BCAS3: variants seen among roughly 807,000 people sequenced by gnomAD.
The protein encoded by BCAS3 is BCAS4/BCAS3 fusion.
In BCAS3, 53 loss-of-function variants were observed where a neutral mutation model predicts 116.1. The observed-to-expected ratio is 0.46, with a 90% CI of 0.37 to 0.57. The LOEUF (loss-of-function observed/expected upper bound fraction) is 0.57. Ranked by LOEUF, BCAS3 falls within the 20% of genes least tolerant of loss-of-function variation. The pLI is 0.00. For synonymous variants in BCAS3, 391 were observed against 408.2 expected (o/e 0.96, Z 0.51); for missense variants, 917 against 1,165.4 (o/e 0.79, Z 3.10).
chr17:60,980,008 C>T (rs1010098356), intron 14 of BCAS3, among the ~76,000 whole-genome samples: 6 of 152,070 alleles, frequency 3.9e-5, no homozygotes, highest in Non-Finnish European at 8.8e-5. Context: ...ATGCTGGCCT[C>T]ATAAAATGAG....
chr17:61,098,833 AC>A lies in BCAS3; in HGVS notation c.2425+14273del, dbSNP rs1194338046. On this transcript the variant is annotated intron_variant, in intron 22 of 23. Coordinates refer to ENST00000407086, the MANE Select transcript of BCAS3 (RefSeq NM_017679.5). This position sits in a 1 kb window ranked among gnomAD's most constrained non-coding sequence, Gnocchi z 4.2. ...GTTCTGTTACTGCTTGGCTTAAGAT[AC>A]CCCTGGATGGGCTGGGTGTGGTGGC... Among the ~76,000 whole-genome samples, 1 of 152,042 alleles carries A rather than the reference AC, an allele frequency of 6.6e-6. No homozygotes were observed. The highest frequency in any genetic ancestry group is 2.4e-5 in the African/African-American group (1 of 41,400).
Position 60,760,658 on chromosome 17 carries a change from C to CTATAG in BCAS3, c.403+13381_403+13385dup, listed in dbSNP as rs377417244. Among the ~76,000 whole-genome samples, 1,019 of 152,076 alleles carry CTATAG rather than the reference C, an allele frequency of 6.7e-3. 4 individuals are homozygous for CTATAG. The highest frequency in any genetic ancestry group is 0.023 in the African/African-American group (964 of 41,428). ...CCTTAATATTTTCTCTTTTGCTTGG[C>CTATAG]TATAGTTTGACTATAAAGTGCCGTG... On this transcript the variant is annotated intron_variant, in intron 6 of 23. Coordinates refer to ENST00000407086, the MANE Select transcript of BCAS3 (RefSeq NM_017679.5).
At chr17:61,310,425 A>G (rs1355715866) in intron 22 of BCAS3, among the ~76,000 whole-genome samples, 1 of 152,084 alleles carries the variant, frequency 6.6e-6, no homozygotes, top group Non-Finnish European at 1.5e-5. Context: ...GTGGTAGTGC[A>G]TGCCTGTAAT....
In BCAS3 at chr17:61,368,010, T is replaced by A. The variant is rs542339621; in HGVS notation, c.2426-317T>A. The stretch of plus-strand genomic sequence containing the variant: ...GAGGAAAGTAGGGATCCGTTTGGGT[T>A]GAACCTGGGAAGGGGGTTGCCTTCC... On this transcript the variant is annotated intron_variant, in intron 22 of 23. Transcript: ENST00000407086. The surrounding 1 kb of genome is among the most constrained non-coding windows in gnomAD (Gnocchi z 6.0). The A allele has an allele frequency of 1.0e-4, 24 of 229,698 alleles. No homozygotes were observed. The highest frequency in any genetic ancestry group is 4.5e-4 in the African/African-American group (20 of 44,038). 14.2% of individuals were successfully genotyped at this position (229,698 alleles called of 1,614,324 possible). A position where few individuals can be genotyped will look rare whatever the true frequency, so the allele number is the denominator to read the frequency against.
chr17:60,751,149 A>G (rs1297150002), intron 6 of BCAS3, among the ~76,000 whole-genome samples: 1 of 152,188 alleles, frequency 6.6e-6, no homozygotes, highest in Non-Finnish European at 1.5e-5. Context: ...CCCACAGAAG[A>G]CCATCATTGT....
At chr17:60,774,262 T>G (rs907417037) in intron 6 of BCAS3, among the ~76,000 whole-genome samples, 2 of 152,198 alleles carry the variant, frequency 1.3e-5, no homozygotes, top group Non-Finnish European at 2.9e-5. Context: ...GTGTATTTTT[T>G]TCTCTCAGAC....
At chr17:60,966,611 C>A (rs1172332105) in intron 14 of BCAS3, among the ~76,000 whole-genome samples, 3 of 150,214 alleles carry the variant, frequency 2.0e-5, no homozygotes, top group South Asian at 4.2e-4. Flanking sequence ...GAAACAAAGG[C>A]AGGCATAAAG....
At chr17:61,237,460 G>A (rs1269420622) in intron 22 of BCAS3, among the ~76,000 whole-genome samples, 4 of 152,312 alleles carry the variant, frequency 2.6e-5, no homozygotes, top group Admixed American at 6.5e-5. Context: ...CGCCAGCAGC[G>A]GCAACCCACT....
chr17:61,328,637 C>T (rs965449409), intron 22 of BCAS3, among the ~76,000 whole-genome samples: 16 of 151,756 alleles, frequency 1.1e-4, no homozygotes, highest in African/African-American at 2.7e-4. Flanking sequence ...TGGTGGTGTG[C>T]GCCTGTAGTC....
chr17:60,867,141 CTG>C (rs2054670438), intron 7 of BCAS3, among the ~76,000 whole-genome samples: 1 of 150,382 alleles, frequency 6.6e-6, no homozygotes, highest in African/African-American at 2.5e-5. Flanking sequence ...CAGTTTCACT[CTG>C]TCGTCCAGGC....
At chr17:61,336,120 C>T (rs1177475572) in intron 22 of BCAS3, among the ~76,000 whole-genome samples, 2 of 152,276 alleles carry the variant, frequency 1.3e-5, no homozygotes, top group Admixed American at 6.5e-5. Flanking sequence ...CGCTAAACTC[C>T]CAGCTCCCTG....
In BCAS3 at chr17:61,377,207, G is replaced by A. The variant is rs1435385977; in HGVS notation, c.2593+8713G>A. 6.6e-6 allele frequency among the ~76,000 whole-genome samples: 1 copy of A among 152,168 alleles called. No homozygotes were observed. Among genetic ancestry groups the A allele is most frequent in the East Asian group, 1.9e-4 (1 of 5,176 alleles). On this transcript the variant is annotated intron_variant, in intron 23 of 23. Coordinates refer to ENST00000407086, the MANE Select transcript of BCAS3 (RefSeq NM_017679.5). The surrounding 1 kb of genome is among the most constrained non-coding windows in gnomAD (Gnocchi z 4.6). ...AGTGCCTAATGCCCTGATTGCTGAG[G>A]GTGAGAGAAGAAAGTGTCCCCAGAG...
chr17:61,181,618 A>C lies in BCAS3; in HGVS notation c.2425+97054A>C, dbSNP rs963647733. Among the ~76,000 whole-genome samples, 1 of 152,218 alleles carries C rather than the reference A, an allele frequency of 6.6e-6. No individual in the cohort carries two copies. Among genetic ancestry groups the C allele is most frequent in the African/African-American group, 2.4e-5 (1 of 41,460 alleles). ...TTTCTGAGTTGCCAAATGCTGAGAA[A>C]GCAGACAGTAATTGATGTAGTGAAG... On this transcript the variant is annotated intron_variant, in intron 22 of 23. Coordinates refer to ENST00000407086, the MANE Select transcript of BCAS3 (RefSeq NM_017679.5). This position sits in a 1 kb window ranked among gnomAD's most constrained non-coding sequence, Gnocchi z 5.0.
intron 22 of BCAS3, among the ~76,000 whole-genome samples, chr17:61,103,978 C>T (rs1485076039): frequency 6.6e-6 from 1 of 152,166 alleles, no homozygotes; most frequent in East Asian, 1.9e-4. Context: ...TCTTGCTTCT[C>T]CAAGTATGAC....
chr17:61,092,328 GTCTC>G (rs375741148), intron 22 of BCAS3, among the ~76,000 whole-genome samples: 3 of 149,852 alleles, frequency 2.0e-5, no homozygotes, highest in African/African-American at 7.3e-5. Context: ...CTGTCTGTCT[GTCTC>G]TCTCTCTCTC....
At chr17:61,042,244 T>C (rs1207923324) in intron 19 of BCAS3, among the ~76,000 whole-genome samples, 1 of 152,018 alleles carries the variant, frequency 6.6e-6, no homozygotes, top group Non-Finnish European at 1.5e-5. Context: ...CAAAACTAAT[T>C]GTTGAATTAA....
In BCAS3 at chr17:61,315,342, C is replaced by T. The variant is rs771108524; in HGVS notation, c.2426-52985C>T. 6.6e-6 allele frequency among the ~76,000 whole-genome samples: 1 copy of T among 152,140 alleles called. No homozygotes were observed. Among genetic ancestry groups the T allele is most frequent in the African/African-American group, 2.4e-5 (1 of 41,424 alleles). ...GTTGGCCTGGATGGATGGTCTCAAA[C>T]TCCTGACCTCAGGTGATCCGGCCGC... On this transcript the variant is annotated intron_variant, in intron 22 of 23. Coordinates refer to ENST00000407086, the MANE Select transcript of BCAS3 (RefSeq NM_017679.5). This position sits in a 1 kb window ranked among gnomAD's most constrained non-coding sequence, Gnocchi z 5.3.
At chr17:60,777,248 A>C (rs1016574302) in intron 6 of BCAS3, among the ~76,000 whole-genome samples, 1 of 152,102 alleles carries the variant, frequency 6.6e-6, no homozygotes, top group African/African-American at 2.4e-5. Flanking sequence ...TATACTTAAA[A>C]AAGCTTTGCC....
intron 6 of BCAS3, among the ~76,000 whole-genome samples, chr17:60,796,512 A>G (rs998406997): frequency 1.3e-5 from 2 of 152,136 alleles, no homozygotes; most frequent in African/African-American, 4.8e-5. Context: ...TACGTGCATA[A>G]AGGTGTTCAT....
Sources: allele counts gnomAD v4.1 joint callset (sites outside exome capture counted in the v4.1 genomes callset), GRCh38; gene constraint gnomAD v4.1.1; non-coding constraint Gnocchi (gnomAD v3.1); transcripts MANE v1.5; gene names NCBI Gene and HGNC (gene_info 2026-07-23, HGNC 2026-07-21).